The following EGLN1 variants were observed in gnomAD, a reference collection of about 807,000 sequenced individuals.
EGLN1 encodes the protein egl nine homolog 1.
A neutral mutation model predicts 38.3 loss-of-function variants in EGLN1; 17 were observed. The ratio of observed to expected loss-of-function variants is 0.44; its 90% CI spans 0.30 to 0.67. EGLN1 has a LOEUF of 0.67. EGLN1 is among the 30% of genes least tolerant of loss of function. The probability of loss-of-function intolerance (pLI) is 0.08; values close to 1 mark genes in which losing one functional copy is unlikely to be tolerated. For synonymous variants in EGLN1, 283 were observed against 257.5 expected, an observed-to-expected ratio of 1.10 and a Z score of -0.95; for missense variants, 477 against 603.3, an observed-to-expected ratio of 0.79 and a Z score of 2.19.
chr1:231,366,923 A>G (rs953926877), intron 4 of EGLN1, among the ~76,000 whole-genome samples: 1 of 152,226 alleles, frequency 6.6e-6, no homozygotes, highest in Non-Finnish European at 1.5e-5. Context: ...TTGGAGATAG[A>G]AAGTAGAGTT....
At chr1:231,378,836 T>C (rs1204626174) in intron 1 of EGLN1, among the ~76,000 whole-genome samples, 1 of 152,212 alleles carries the variant, frequency 6.6e-6, no homozygotes, top group Non-Finnish European at 1.5e-5. Flanking sequence ...CTATTATTTT[T>C]ACCCTGAATG....
rs1572057805 is a variant in EGLN1, at chr1:231,421,478, C to G, written c.411G>C (p.Ala137=). The G allele has an allele frequency of 7.2e-7, 1 of 1,397,926 alleles. No individual in the cohort carries two copies. Among genetic ancestry groups the G allele is most frequent in the Middle Eastern group, 2.1e-4 (1 of 4,852 alleles). The allele number at this position is 1,397,926 out of a possible 1,614,324, so 86.6% of individuals were successfully genotyped here. The change falls in exon 1 of 5, where the codon GCG becomes GCC. Residue 137 remains alanine (A), a synonymous_variant. Coordinates refer to ENST00000366641, the MANE Select transcript of EGLN1 (RefSeq NM_022051.3). This position sits in a 1 kb window ranked among gnomAD's most constrained non-coding sequence, Gnocchi z 5.5. ...CRAAAGGQGS[A]VAAEAEPGKE... ...TGCCGGGCTCGGCTTCGGCAGCCAC[C>G]GCCGAGCCCTGGCCGCCGGCGGCCG... is the stretch of plus-strand genomic sequence containing the variant.
intron 3 of EGLN1, chr1:231,369,657 C>G: frequency 1.1e-6 from 1 of 918,494 alleles, no homozygotes; most frequent in African/African-American, 1.8e-5. Flanking sequence ...AAAGGCACAG[C>G]TGATAATCAA....
At position 231,370,615 on chromosome 1, in the gene EGLN1, A is replaced by G; in HGVS notation, c.1095T>C (p.Phe365=). The G allele has an allele frequency of 6.2e-7, 1 of 1,614,178 alleles. No individual in the cohort carries two copies. The highest frequency in any genetic ancestry group is 8.5e-7 in the Non-Finnish European group (1 of 1,180,022). The stretch of plus-strand genomic sequence containing the variant: ...GAGGGTTGCGACGGTCAGACCAGAA[A>G]AACAGCAGTCTATCAAATTTGGGTT... The part of the protein sequence containing the change: ...DIEPKFDRLL[F]FWSDRRNPHE... The change falls in exon 3 of 5, where the codon TTT becomes TTC. Residue 365 remains phenylalanine, a synonymous_variant. Transcript: ENST00000366641.
chr1:231,415,428 A>G (rs529183103), intron 1 of EGLN1, among the ~76,000 whole-genome samples: 1 of 151,666 alleles, frequency 6.6e-6, no homozygotes, highest in Non-Finnish European at 1.5e-5. Flanking sequence ...TTTTTCTCTT[A>G]AAAAAATGTT....
Position 231,420,980 on chromosome 1 carries a change from C to T in EGLN1, c.891+18G>A, listed in dbSNP as rs745584546. On this transcript the variant is annotated intron_variant, in intron 1 of 4. Transcript: ENST00000366641. ...CCGAGAAGGGCCTGTCCAGCACAAA[C>T]CCGCAGCACACACTTACTTTCGTCC... is the stretch of plus-strand genomic sequence containing the variant. The T allele has an allele frequency of 1.9e-6, 3 of 1,613,904 alleles. No homozygotes were observed. Among genetic ancestry groups the T allele is most frequent in the Non-Finnish European group, 2.5e-6 (3 of 1,180,006 alleles).
At position 231,391,095 on chromosome 1, in the gene EGLN1, TG is replaced by T. The variant is rs1558387197; in HGVS notation, c.892-16997del. Reference sequence around the variant, plus strand: ...GGGAACTCATTCTGTTTTTTTTTTGTGTGTGTGTGTGTGTGTGTGTGTGTGT... The same window carrying T: ...GGGAACTCATTCTGTTTTTTTTTTGTTGTGTGTGTGTGTGTGTGTGTGTGT... On this transcript the variant is annotated intron_variant, in intron 1 of 4. Coordinates refer to ENST00000366641, the MANE Select transcript of EGLN1 (RefSeq NM_022051.3). Among the ~76,000 whole-genome samples, 121 of 60,462 alleles carry T rather than the reference TG, an allele frequency of 2.0e-3. 12 individuals carry two copies. Among genetic ancestry groups the T allele is most frequent in the South Asian group, 3.2e-3 (6 of 1,886 alleles). The allele number at this position is 60,462 out of a possible 152,430, so 39.7% of individuals were successfully genotyped here. A position where few individuals can be genotyped will look rare whatever the true frequency, so the allele number is the denominator to read the frequency against.
chr1:231,415,073 C>T (rs1049587622), intron 1 of EGLN1, among the ~76,000 whole-genome samples: 3 of 151,920 alleles, frequency 2.0e-5, no homozygotes, highest in Non-Finnish European at 2.9e-5. Context: ...CAGTTCTAGA[C>T]CAGCCTAGAC....
Position 231,365,974 on chromosome 1 carries a change from T to C in EGLN1, c.*437A>G, listed in dbSNP as rs1329268280. ...TTTACAAAAATAGATTGATGTTATT[T>C]TGAGGAATAATACTGTAATTTTTTC... On this transcript the variant is annotated 3_prime_UTR_variant, in exon 5 of 5. Transcript: ENST00000366641. 2.3e-5 allele frequency: 4 copies of C among 170,832 alleles called. No homozygotes were observed. Among genetic ancestry groups the C allele is most frequent in the African/African-American group, 9.6e-5 (4 of 41,710 alleles). The allele number at this position is 170,832 out of a possible 1,614,324, so 10.6% of individuals were successfully genotyped here. A position where few individuals can be genotyped will look rare whatever the true frequency, so the allele number is the denominator to read the frequency against.
At chr1:231,391,110 G>T (rs1295002572) in intron 1 of EGLN1, among the ~76,000 whole-genome samples, 9 of 151,120 alleles carry the variant, frequency 6.0e-5, no homozygotes, top group African/African-American at 2.2e-4. Context: ...GTGTGTGTGT[G>T]TGTGTGTGTG....
At chr1:231,419,574 T>C (rs73121542) in intron 1 of EGLN1, among the ~76,000 whole-genome samples, 1,830 of 147,728 alleles carry the variant, frequency 0.012, 43 homozygotes, top group African/African-American at 0.045. Context: ...CCCTGACAAC[T>C]TTCTTAAAAA....
chr1:231,385,597 C>T (rs887102686), intron 1 of EGLN1, among the ~76,000 whole-genome samples: 1 of 152,180 alleles, frequency 6.6e-6, no homozygotes, highest in South Asian at 2.1e-4. Context: ...GGACATAGCT[C>T]TGGCCCCTTC....
chr1:231,414,445 G>A (rs1318003558), intron 1 of EGLN1, among the ~76,000 whole-genome samples: 2 of 152,300 alleles, frequency 1.3e-5, no homozygotes, highest in Non-Finnish European at 2.9e-5. Context: ...AGGAAAACAG[G>A]AGTAAACTGT....
Position 231,391,092 on chromosome 1 carries a change from TTGTGTGTG to T in EGLN1, c.892-17001_892-16994del, listed in dbSNP as rs763284659. 5.5e-4 allele frequency among the ~76,000 whole-genome samples: 37 copies of T among 67,366 alleles called. 2 individuals are homozygous for T. Among genetic ancestry groups the T allele is most frequent in the African/African-American group, 1.5e-3 (32 of 21,008 alleles). 44.2% of individuals were successfully genotyped at this position (67,366 alleles called of 152,430 possible). On this transcript the variant is annotated intron_variant, in intron 1 of 4. Coordinates refer to ENST00000366641, the MANE Select transcript of EGLN1 (RefSeq NM_022051.3). ...ACAGGGAACTCATTCTGTTTTTTTT[TTGTGTGTG>T]TGTGTGTGTGTGTGTGTGTGTGTGT...
At chr1:231,394,382 C>CTTTT (rs35843267) in intron 1 of EGLN1, among the ~76,000 whole-genome samples, 7 of 136,652 alleles carry the variant, frequency 5.1e-5, no homozygotes, top group Admixed American at 7.5e-5. Context: ...CCCAATTTTC[C>CTTTT]TTTTTTTTTT....
chr1:231,403,504 C>T (rs1365828805), intron 1 of EGLN1, among the ~76,000 whole-genome samples: 1 of 152,058 alleles, frequency 6.6e-6, no homozygotes, highest in African/African-American at 2.4e-5. Context: ...GGTGCAGTGG[C>T]TCATGCTTGC....
chr1:231,422,014 A>G lies in EGLN1; in HGVS notation c.-126T>C, dbSNP rs1656648995. The G allele has an allele frequency of 9.3e-7, 1 of 1,078,056 alleles. No homozygotes were observed. Among genetic ancestry groups the G allele is most frequent in the Non-Finnish European group, 1.2e-6 (1 of 832,570 alleles). The allele number at this position is 1,078,056 out of a possible 1,614,324, so 66.8% of individuals were successfully genotyped here. On this transcript the variant is annotated 5_prime_UTR_variant, in exon 1 of 5. Coordinates refer to ENST00000366641, the MANE Select transcript of EGLN1 (RefSeq NM_022051.3). The stretch of plus-strand genomic sequence containing the variant: ...GCCGTTACTGCGCCATGCACCCGCT[A>G]CCCTCGCCTCAGGGAGGCCGGCACC...
At chr1:231,418,587 G>A (rs112077403) in intron 1 of EGLN1, among the ~76,000 whole-genome samples, 12 of 152,304 alleles carry the variant, frequency 7.9e-5, no homozygotes, top group African/African-American at 2.9e-4. Context: ...ATTGTGGCCA[G>A]GTGAGGTGGT....
chr1:231,373,153 T>A (rs1164136098), intron 2 of EGLN1, among the ~76,000 whole-genome samples: 2 of 152,206 alleles, frequency 1.3e-5, no homozygotes, highest in East Asian at 3.8e-4. Context: ...AGATTAAATA[T>A]ATTGTACATT....
Sources: gnomAD v4.1 joint callset for allele counts (sites outside exome capture counted in the v4.1 genomes callset) on GRCh38, gnomAD v4.1.1 for gene constraint, Gnocchi (gnomAD v3.1) non-coding constraint, MANE v1.5 for transcripts, NCBI Gene and HGNC (gene_info 2026-07-23, HGNC 2026-07-21) for gene names.